SRP72: variants seen among roughly 807,000 people sequenced by gnomAD.
SRP72 encodes signal recognition particle subunit SRP72.
SRP72 carries 49 observed loss-of-function variants against 96.3 expected under a neutral mutation model. The observed-to-expected ratio is 0.51, with a 90% CI of 0.40 to 0.65. The LOEUF (loss-of-function observed/expected upper bound fraction) is 0.65. Among genes scored for constraint, SRP72 ranks in the 30% least tolerant of loss-of-function variants. The pLI is 0.00. For synonymous variants in SRP72, 267 were observed against 275.2 expected (o/e 0.97, Z 0.30); for missense variants, 736 against 793.3 (o/e 0.93, Z 0.87).
intron 16 of SRP72, among the ~76,000 whole-genome samples, chr4:56,491,939 C>T (rs1214563475): frequency 6.6e-6 from 1 of 152,098 alleles, no homozygotes; most frequent in African/African-American, 2.4e-5. Context: ...TGGCTCAGTG[C>T]AGCCTCCGCC....
At chr4:56,475,989 C>CG (rs1720204395) in intron 5 of SRP72, 1 of 152,188 alleles carries the variant, frequency 6.6e-6, no homozygotes, top group Non-Finnish European at 1.5e-5. Flanking sequence ...CAACCAATAA[C>CG]ATTAAAAAAG....
chr4:56,495,436 A>G (rs1371970798), intron 17 of SRP72, 42 bp downstream of exon 17: 3 of 1,348,922 alleles, frequency 2.2e-6, no homozygotes, highest in Non-Finnish European at 3.1e-6. Context: ...CTCCAAAATA[A>G]ATGTTTGATT....
chr4:56,472,354 T>C (rs541141037), intron 3 of SRP72, among the ~76,000 whole-genome samples: 180 of 150,822 alleles, frequency 1.2e-3, no homozygotes, highest in African/African-American at 4.1e-3. Context: ...TTTTCTTTTT[T>C]TTTTTTTTTT....
intron 14 of SRP72, 61 bp from the exon 15 acceptor site, chr4:56,490,507 G>T: frequency 6.3e-7 from 1 of 1,598,752 alleles, no homozygotes; most frequent in South Asian, 1.1e-5. Flanking sequence ...GGAGTTACTT[G>T]TTTATATTAC....
intron 16 of SRP72, among the ~76,000 whole-genome samples, chr4:56,493,963 C>A (rs1235477212): frequency 1.3e-5 from 2 of 152,160 alleles, no homozygotes; most frequent in African/African-American, 4.8e-5. Flanking sequence ...TAGAGGAGTA[C>A]ACCGGAGGGA....
Position 56,495,398 on chromosome 4 carries a change from A to C in SRP72, c.1678+4A>C. 6.7e-7 allele frequency: 1 copy of C among 1,485,452 alleles called. No individual in the cohort carries two copies. Among genetic ancestry groups the C allele is most frequent in the South Asian group, 1.2e-5 (1 of 84,684 alleles). 92.0% of individuals were successfully genotyped at this position (1,485,452 alleles called of 1,614,324 possible). A position where few individuals can be genotyped will look rare whatever the true frequency, so the allele number is the denominator to read the frequency against. On this transcript the variant is annotated splice_donor_region_variant and intron_variant, in intron 17 of 18. Transcript: ENST00000642900. ...AAGAAGAAAAAGAAAAAGAAGGGTA[A>C]GGCATTAAAAAAGTCTTTATAAATT...
In SRP72 at chr4:56,484,733, T is replaced by A; in HGVS notation, c.958-3T>A. On this transcript the variant is annotated splice_polypyrimidine_tract_variant and splice_region_variant and intron_variant, in intron 9 of 18. Transcript: ENST00000642900. ...TTTCTTGTGGGGGTTGGATATCTTC[T>A]AGGCTGAACAATGCCGCAAAATATC... 6.2e-7 allele frequency: 1 copy of A among 1,614,078 alleles called. No individual in the cohort carries two copies. The highest frequency in any genetic ancestry group is 2.2e-5 in the East Asian group (1 of 44,880).
chr4:56,489,471 T>A lies in SRP72; in HGVS notation c.1308T>A (p.Tyr436Ter). The A allele has an allele frequency of 6.3e-7, 1 of 1,576,168 alleles. No individual in the cohort carries two copies. The highest frequency in any genetic ancestry group is 8.7e-7 in the Non-Finnish European group (1 of 1,151,592). ...TCTTCACACAAGCTATCCAGTGGTA[T>A]CAAAACCATCAGGTAAATAAATGGA... is the stretch of plus-strand genomic sequence containing the variant. ...IEVFTQAIQW[Y>*]QNHQPKSPAH... is the part of the protein sequence containing the mutation. The change falls in exon 13 of 19, where the codon TAT becomes TAA. Residue 436 changes from tyrosine to a stop codon, truncating the protein, a stop_gained. Transcript: ENST00000642900. LOFTEE classifies it high-confidence loss of function.
chr4:56,474,423 T>A lies in SRP72; in HGVS notation c.610+32T>A, dbSNP rs752465638. On this transcript the variant is annotated intron_variant, in intron 5 of 18. Transcript: ENST00000642900. ...AGTTTGTTAAACTTATCTGTAAATA[T>A]AACGTGCATATAACTTTGTAGAGTA... 3.2e-6 allele frequency: 5 copies of A among 1,570,418 alleles called. No individual in the cohort carries two copies. The South Asian group carries it at 5.7e-5, about 18-fold the overall frequency.
At chr4:56,492,936 G>C (rs763087563) in intron 16 of SRP72, among the ~76,000 whole-genome samples, 8 of 152,142 alleles carry the variant, frequency 5.3e-5, no homozygotes, top group Non-Finnish European at 1.0e-4. Context: ...AGTGAGCAGT[G>C]ATTGCATCAC....
At position 56,471,843 on chromosome 4, in the gene SRP72, G is replaced by C. The variant is rs1719991442; in HGVS notation, c.354G>C (p.Val118=). The C allele has an allele frequency of 1.2e-6, 2 of 1,613,534 alleles. No homozygotes were observed. Among genetic ancestry groups the C allele is most frequent in the Non-Finnish European group, 1.7e-6 (2 of 1,179,774 alleles). ...AACTGAAGGAGCTTTATGGACAAGT[G>C]GTAATTACTGCTTTTAAATACATGT... ...TDKLKELYGQ[V]LYRLERYDEC... is the part of the protein sequence containing the mutation. Residue 118 remains valine, a splice_region_variant and synonymous_variant, in exon 3 of 19, where the codon GTG becomes GTC. Coordinates refer to ENST00000642900, the MANE Select transcript of SRP72 (RefSeq NM_006947.4).
At position 56,474,161 on chromosome 4, in the gene SRP72, T is replaced by G. The variant is rs1720106469; in HGVS notation, c.462T>G (p.Val154=). ...AGAGGAAAACAAACCTTTCAGCAGT[T>G]GTTGCAGCTCAAAGCAATTGGGAAA... The part of the protein sequence containing the change: ...DEERKTNLSA[V]VAAQSNWEKV... Residue 154 remains valine (V), a synonymous_variant, in exon 4 of 19, where the codon GTT becomes GTG. Coordinates refer to ENST00000642900, the MANE Select transcript of SRP72 (RefSeq NM_006947.4). 1.2e-6 allele frequency: 2 copies of G among 1,614,270 alleles called. No individual in the cohort carries two copies. Among genetic ancestry groups the G allele is most frequent in the Non-Finnish European group, 1.7e-6 (2 of 1,180,060 alleles).
At chr4:56,496,158 G>A (rs965410275) in intron 17 of SRP72, among the ~76,000 whole-genome samples, 12 of 152,268 alleles carry the variant, frequency 7.9e-5, no homozygotes, top group African/African-American at 2.9e-4. Flanking sequence ...CTAGTCAGAT[G>A]TTATCCTTGG....
intron 17 of SRP72, among the ~76,000 whole-genome samples, chr4:56,497,118 ATTTG>A (rs763511031): frequency 7.9e-5 from 12 of 152,256 alleles, no homozygotes; most frequent in African/African-American, 2.6e-4. Context: ...ACATAATATA[ATTTG>A]TTTGTTTTAA....
chr4:56,471,155 G>T (rs1258889927), intron 2 of SRP72, among the ~76,000 whole-genome samples: 1 of 152,144 alleles, frequency 6.6e-6, no homozygotes, highest in Non-Finnish European at 1.5e-5. Flanking sequence ...CCTTTGCTTT[G>T]ATAAATATTT....
At chr4:56,491,810 G>C (rs1205716125) in intron 16 of SRP72, 1 of 337,620 alleles carries the variant, frequency 3.0e-6, no homozygotes, top group Middle Eastern at 8.5e-4. Flanking sequence ...TACACACACA[G>C]ATGGTTTACA....
At chr4:56,479,660 T>C in intron 8 of SRP72, among the ~76,000 whole-genome samples, 1 of 151,310 alleles carries the variant, frequency 6.6e-6, no homozygotes, top group Non-Finnish European at 1.5e-5. Context: ...AAAAAAAAAT[T>C]TGTAGAGACA....
chr4:56,477,209 A>G (rs1009340275), intron 6 of SRP72: 1 of 151,408 alleles, frequency 6.6e-6, no homozygotes, highest in African/African-American at 2.4e-5. Flanking sequence ...TTTCTTTAGG[A>G]ATTTACGTTT....
chr4:56,474,105 G>T lies in SRP72; in HGVS notation c.406G>T (p.Val136Phe). Residue 136 changes from valine (V) to phenylalanine (F), a missense_variant, in exon 4 of 19, where the codon GTC becomes TTC. By Grantham distance (50) the Val-to-Phe change is conservative (BLOSUM62 -1). This residue lies in a region of SRP72 where 329 missense variants were observed against 319.0 expected (regional missense o/e 1.03). Coordinates refer to ENST00000642900, the MANE Select transcript of SRP72 (RefSeq NM_006947.4). ...DECLAVYRDLVRNSQDDYDEE... is the reference protein window; with the variant it reads ...DECLAVYRDLFRNSQDDYDEE... ...ATGCTTAGCAGTGTATAGAGATCTCGTCCGAAACTCCCAAGATGATTATGA... is the reference window on the plus strand; with the variant it reads ...ATGCTTAGCAGTGTATAGAGATCTCTTCCGAAACTCCCAAGATGATTATGA... The T allele has an allele frequency of 6.2e-7, 1 of 1,614,054 alleles. No homozygotes were observed. The highest frequency in any genetic ancestry group is 1.7e-4 in the Middle Eastern group (1 of 6,018).
Sources: allele counts gnomAD v4.1 joint callset (sites outside exome capture counted in the v4.1 genomes callset), GRCh38; gene constraint gnomAD v4.1.1; regional missense constraint gnomAD v4.1.1; transcripts MANE v1.5; gene names NCBI Gene and HGNC (gene_info 2026-07-23, HGNC 2026-07-21).